NBPF12: variants seen among roughly 807,000 people sequenced by gnomAD.
NBPF12 encodes the protein NBPF family member NBPF12.
NBPF12 carries 115 observed loss-of-function variants against 146.4 expected under a neutral mutation model. The observed-to-expected ratio is 0.79, with a 90% CI of 0.68 to 0.92. The LOEUF (loss-of-function observed/expected upper bound fraction) is 0.92, where lower values mean the gene tolerates loss of function less well. Among genes scored for constraint, NBPF12 ranks in the 40% least tolerant of loss-of-function variants. NBPF12 has a pLI of 0.00. For synonymous variants in NBPF12, 385 were observed against 508.9 expected, an observed-to-expected ratio of 0.76 and a Z score of 3.28; for missense variants, 1,205 against 1,326.8, an observed-to-expected ratio of 0.91 and a Z score of 1.43.
intron 17 of NBPF12, among the ~76,000 whole-genome samples, 172 bp downstream of exon 20, chr1:146,977,173 T>A (rs1230073775): frequency 3.3e-4 from 49 of 147,846 alleles, no homozygotes; most frequent in African/African-American, 1.2e-3. Flanking sequence ...TGTTTCTCTA[T>A]GTGTGCCGAG....
chr1:146,974,396 G>A (rs1476023253), intron 14 of NBPF12, among the ~76,000 whole-genome samples: 1 of 138,774 alleles, frequency 7.2e-6, no homozygotes, highest in Non-Finnish European at 1.5e-5. Flanking sequence ...TCATGCCCCA[G>A]TGCAGTGTTT....
chr1:146,938,655 G>A (rs1392736259), upstream of NBPF12: 9 of 151,328 alleles, frequency 5.9e-5, no homozygotes, highest in African/African-American at 2.0e-4. Flanking sequence ...CTCCGCCCGC[G>A]GCCCGAACCC....
intron 6 of NBPF12, among the ~76,000 whole-genome samples, chr1:146,964,099 C>T (rs1218181075): frequency 7.3e-6 from 1 of 137,344 alleles, no homozygotes; most frequent in Non-Finnish European, 1.5e-5. Context: ...AGAGAGGCTG[C>T]ACAAGCCTTC....
Position 146,962,405 on chromosome 1 carries a change from T to C in NBPF12, c.278+142T>C, listed in dbSNP as rs1165482924. The C allele has an allele frequency of 1.7e-5, 12 of 695,714 alleles. No individual in the cohort carries two copies. In the African/African-American group the frequency reaches 2.1e-4, roughly 12 times the overall value. 43.1% of individuals were successfully genotyped at this position (695,714 alleles called of 1,614,324 possible). A position where few individuals can be genotyped will look rare whatever the true frequency, so the allele number is the denominator to read the frequency against. On this transcript the variant is annotated intron_variant, in intron 5 of 33. Transcript: ENST00000617844. The stretch of plus-strand genomic sequence containing the variant: ...TGGCAGGCTCATGACACACAAATAT[T>C]TATCAGAGAACAAGGATAATAATAA...
exon 5 of NBPF12, chr1:146,962,247 C>G (rs1352488445): frequency 1.9e-6 from 3 of 1,605,578 alleles, no homozygotes; most frequent in East Asian, 2.2e-5. Flanking sequence ...GCAGCTGAAA[C>G]AAGCTGAGGA....
exon 13 of NBPF12, chr1:146,971,335 T>A: frequency 6.2e-7 from 1 of 1,612,098 alleles, no homozygotes; most frequent in East Asian, 2.2e-5. Context: ...AACTCATCTC[T>A]GGTTGTAGAC....
At chr1:146,938,740 A>T (rs1242345336), upstream of NBPF12, 1 of 151,968 alleles carries the variant, frequency 6.6e-6, no homozygotes, top group African/African-American at 2.4e-5. Context: ...GACACGGCCC[A>T]TCCGGACCCT....
intron 8 of NBPF12, among the ~76,000 whole-genome samples, chr1:146,965,512 G>C (rs1415589715): frequency 3.3e-5 from 5 of 151,044 alleles, no homozygotes; most frequent in Non-Finnish European, 7.4e-5. Flanking sequence ...GCTGGGCACA[G>C]TGGGTTCCAC....
intron 13 of NBPF12, among the ~76,000 whole-genome samples, chr1:146,972,123 C>T (rs1329861200): frequency 1.2e-4 from 17 of 144,444 alleles, no homozygotes; most frequent in Admixed American, 3.4e-4. Context: ...TGACCAGGGG[C>T]GCTGGCTCAC....
chr1:146,987,553 G>A (rs1657852329), intron 25 of NBPF12, among the ~76,000 whole-genome samples: 2 of 152,018 alleles, frequency 1.3e-5, no homozygotes, highest in African/African-American at 4.8e-5. Flanking sequence ...CACATTTTAT[G>A]GAAAATTATT....
intron 18 of NBPF12, among the ~76,000 whole-genome samples, chr1:146,978,755 G>A (rs1657206903): frequency 7.4e-6 from 1 of 135,060 alleles, no homozygotes; most frequent in African/African-American, 2.9e-5. Context: ...TACACGTAGA[G>A]GGAGATTTTG....
intron 2 of NBPF12, among the ~76,000 whole-genome samples, chr1:146,954,421 C>T (rs1655470609): frequency 9.8e-6 from 1 of 102,148 alleles, no homozygotes; most frequent in South Asian, 3.5e-4. Context: ...AAAGGAAAGT[C>T]AACAAAATTT....
chr1:146,962,509 C>A (rs1435719903), intron 5 of NBPF12, among the ~76,000 whole-genome samples: 2 of 151,800 alleles, frequency 1.3e-5, no homozygotes, highest in African/African-American at 4.9e-5. Context: ...ATTTACATAA[C>A]ACAAAATTCA....
chr1:146,964,768 G>T, intron 7 of NBPF12, 125 bp from the exon 11 acceptor site: 2 of 1,483,060 alleles, frequency 1.3e-6, no homozygotes, highest in Non-Finnish European at 9.4e-7. Context: ...CTCTTTAAGG[G>T]AACCTCCATT....
At chr1:146,980,665 C>A in intron 19 of NBPF12, among the ~76,000 whole-genome samples, 1 of 152,100 alleles carries the variant, frequency 6.6e-6, no homozygotes, top group East Asian at 1.9e-4. Context: ...AAATCGAACA[C>A]TTTTACACTG....
In NBPF12 at chr1:146,973,928, G is replaced by GCAGT. The variant is rs1447641485; in HGVS notation, c.1802-810_1802-807dup. ...CCCGAGAATGTGTGGAGGTAGCAGTGCAGTGTACAGAGCAGGGACCATGGG... is the reference window on the plus strand; with the variant it reads ...CCCGAGAATGTGTGGAGGTAGCAGTGCAGTCAGTGTACAGAGCAGGGACCATGGG... On this transcript the variant is annotated intron_variant, in intron 14 of 33. Coordinates refer to ENST00000617844, the Ensembl canonical transcript of NBPF12. Among the ~76,000 whole-genome samples, 50 of 150,770 alleles carry GCAGT rather than the reference G, an allele frequency of 3.3e-4. 1 individual carries two copies. The highest frequency in any genetic ancestry group is 6.3e-4 in the Non-Finnish European group (43 of 67,956).
rs1169972498 is a variant in NBPF12 at position 146,968,955 on chromosome 1, ATTCTT to A, written c.1091+411_1091+415del. Among the ~76,000 whole-genome samples, 85 of 151,524 alleles carry A rather than the reference ATTCTT, an allele frequency of 5.6e-4. 4 individuals are homozygous for A. The highest frequency in any genetic ancestry group is 1.9e-3 in the African/African-American group (79 of 40,946). On this transcript the variant is annotated intron_variant, in intron 10 of 33. Transcript: ENST00000617844. ...TCAATGTTGCCTTCTCGACCCTGTC[ATTCTT>A]TTCTTCTTTCATCTTTTCAATTCAC...
intron 21 of NBPF12, 81 bp from the exon 25 acceptor site, chr1:146,984,732 A>C (rs1257384926): frequency 4.9e-5 from 40 of 822,946 alleles, no homozygotes; most frequent in East Asian, 1.9e-4. Flanking sequence ...ACTCTTCCTT[A>C]TGTTAGCCAT....
At chr1:146,969,645 G>C in intron 11 of NBPF12, 49 bp downstream of exon 14, 1 of 1,560,728 alleles carries the variant, frequency 6.4e-7, no homozygotes, top group Non-Finnish European at 8.8e-7. Context: ...GCTTATGAGA[G>C]GCTCCAGACC....
Sources: allele counts gnomAD v4.1 joint callset (sites outside exome capture counted in the v4.1 genomes callset), GRCh38; gene constraint gnomAD v4.1.1; transcripts MANE v1.5; gene names NCBI Gene and HGNC (gene_info 2026-07-23, HGNC 2026-07-21).